FBXO21: variants seen among roughly 807,000 people sequenced by gnomAD.
FBXO21 encodes the protein F-box protein 21.
FBXO21 carries 32 observed loss-of-function variants against 76.6 expected under a neutral mutation model. That is an observed-to-expected ratio of 0.42 (90% CI 0.32 to 0.56). The LOEUF (loss-of-function observed/expected upper bound fraction) is 0.56. FBXO21 is among the 20% of genes least tolerant of loss of function. The pLI is 0.16. For missense variants in FBXO21, 586 were observed against 797.3 expected, an observed-to-expected ratio of 0.73 and a Z score of 3.19; for synonymous variants, 328 against 311.5, an observed-to-expected ratio of 1.05 and a Z score of -0.56.
Position 117,166,509 on chromosome 12 carries a change from A to G in FBXO21, c.1193+389T>C, listed in dbSNP as rs1027238984. On this transcript the variant is annotated intron_variant, in intron 8 of 11. Transcript: ENST00000622495. ...AGTTAGTCTAAAACTGCTCTAAAAA[A>G]TAGTCTATTAAAAAAAAGAATTCTG... Among the ~76,000 whole-genome samples the G allele has an allele frequency of 2.6e-5, 4 of 151,364 alleles. No individual in the cohort carries two copies. In the East Asian group the frequency reaches 5.9e-4, roughly 22 times the overall value.
At chr12:117,149,348 A>T (rs1955813742) in intron 11 of FBXO21, among the ~76,000 whole-genome samples, 1 of 152,198 alleles carries the variant, frequency 6.6e-6, no homozygotes, top group African/African-American at 2.4e-5. Flanking sequence ...GAGGGTAAAG[A>T]AGCTGGGAAT....
intron 1 of FBXO21, among the ~76,000 whole-genome samples, chr12:117,189,979 C>T (rs557256514): frequency 6.6e-6 from 1 of 152,226 alleles, no homozygotes; most frequent in East Asian, 1.9e-4. Context: ...CAGCGTCACC[C>T]TTGACGGAGG....
At chr12:117,156,025 G>A in intron 10 of FBXO21, 77 bp from the exon 11 acceptor site, 1 of 1,395,220 alleles carries the variant, frequency 7.2e-7, no homozygotes, top group Non-Finnish European at 1.0e-6. Flanking sequence ...TGGCTTCTCA[G>A]CTCACATCCT....
chr12:117,166,959 C>A lies in FBXO21; in HGVS notation c.1132G>T (p.Val378Leu). Residue 378 changes from valine (V) to leucine (L), a missense_variant, in exon 8 of 12, where the codon GTG becomes TTG. This residue lies in a region of FBXO21 where 246 missense variants were observed against 356.8 expected (regional missense o/e 0.69). Transcript: ENST00000622495. ...TGTAACACCTTCTTGACATTGACCA[C>A]CCCATACAGTGCTGCAGTCACGTGC... ...GQHVTAALYG[V>L]VNVKKVLQRM... The A allele has an allele frequency of 6.2e-7, 1 of 1,614,166 alleles. No individual in the cohort carries two copies. Among genetic ancestry groups the A allele is most frequent in the Non-Finnish European group, 8.5e-7 (1 of 1,180,014 alleles).
Position 117,158,080 on chromosome 12 carries a change from A to G in FBXO21, c.1327-17T>C, listed in dbSNP as rs1334032162. 6.2e-7 allele frequency: 1 copy of G among 1,613,748 alleles called. No individual in the cohort carries two copies. Among genetic ancestry groups the G allele is most frequent in the Non-Finnish European group, 8.5e-7 (1 of 1,179,822 alleles). ...GTCAAGCACCTTCAAAACAAGACAG[A>G]AAGACTAAAAGATAATATTTTCAGC... On this transcript the variant is annotated splice_polypyrimidine_tract_variant and intron_variant, in intron 9 of 11. Coordinates refer to ENST00000622495, the MANE Select transcript of FBXO21 (RefSeq NM_015002.3).
In FBXO21 at chr12:117,146,260, C is replaced by T. The variant is rs368903862; in HGVS notation, c.1693G>A (p.Val565Met). Residue 565 changes from valine (V) to methionine (M), a missense_variant, in exon 12 of 12, where the codon GTG becomes ATG. Around this residue, in one of 6 missense-constraint regions of FBXO21, gnomAD observed 164 missense variants for 236.7 expected, o/e 0.69. Transcript: ENST00000622495. Reference sequence around the variant, plus strand: ...GGGTGTGAGATTTCTTGAGGCTCCACGTTATATTCCAAGTTTTCTGTTGGT... The same window carrying T: ...GGGTGTGAGATTTCTTGAGGCTCCATGTTATATTCCAAGTTTTCTGTTGGT... Reference protein sequence around the residue: ...YAAQENLEYNVEPQEISHPDV... With the variant: ...YAAQENLEYNMEPQEISHPDV... 2.3e-5 allele frequency: 37 copies of T among 1,605,580 alleles called. No individual in the cohort carries two copies. The East Asian group carries it at 6.3e-4, about 27-fold the overall frequency.
chr12:117,172,350 C>T (rs1956126135), intron 7 of FBXO21, 121 bp downstream of exon 7: 1 of 1,066,568 alleles, frequency 9.4e-7, no homozygotes, highest in African/African-American at 1.6e-5. Flanking sequence ...GTTCCATCAC[C>T]ACCCTAGTCC....
In FBXO21 at chr12:117,181,599, G is replaced by GTCTATCTA. The variant is rs1555242788; in HGVS notation, c.471-3966_471-3959dup. Among the ~76,000 whole-genome samples the GTCTATCTA allele has an allele frequency of 7.9e-3, 1,145 of 145,638 alleles. 8 individuals are homozygous for GTCTATCTA. Among genetic ancestry groups the GTCTATCTA allele is most frequent in the Middle Eastern group, 0.014 (4 of 286 alleles). ...TCGATCGATCTATCTATCTGAGACAGTCTATCTATCTATCTATCTATCTAT... is the reference window on the plus strand; with the variant it reads ...TCGATCGATCTATCTATCTGAGACAGTCTATCTATCTATCTATCTATCTATCTATCTAT... On this transcript the variant is annotated intron_variant, in intron 3 of 11. Coordinates refer to ENST00000622495, the MANE Select transcript of FBXO21 (RefSeq NM_015002.3).
At chr12:117,163,956 C>CA (rs1366694161) in intron 9 of FBXO21, among the ~76,000 whole-genome samples, 2 of 151,022 alleles carry the variant, frequency 1.3e-5, no homozygotes, top group East Asian at 3.9e-4. Flanking sequence ...AAAAACAAAC[C>CA]AAAAAAACCC....
At chr12:117,166,829 C>G in intron 8 of FBXO21, 69 bp downstream of exon 8, 1 of 1,416,448 alleles carries the variant, frequency 7.1e-7, no homozygotes, top group Non-Finnish European at 9.9e-7. Context: ...CTTGGCACAT[C>G]TCAAACACAA....
At chr12:117,162,362 T>C (rs1297601529) in intron 9 of FBXO21, among the ~76,000 whole-genome samples, 1 of 152,218 alleles carries the variant, frequency 6.6e-6, no homozygotes, top group East Asian at 1.9e-4. Context: ...GGGCATCAGC[T>C]TGCCTGCACT....
chr12:117,166,922 C>T lies in FBXO21; in HGVS notation c.1169G>A (p.Gly390Glu). ...CCGCTTCCCCAGGCTTAACAGGTTT[C>T]CCACCATTCTCTGTAACACCTTCTT... is the stretch of plus-strand genomic sequence containing the variant. ...NVKKVLQRMV[G>E]NLLSLGKREG... Residue 390 changes from glycine (G) to glutamate (E), a missense_variant, in exon 8 of 12, where the codon GGA becomes GAA. Coordinates refer to ENST00000622495, the MANE Select transcript of FBXO21 (RefSeq NM_015002.3). 6.2e-7 allele frequency: 1 copy of T among 1,614,160 alleles called. No homozygotes were observed. Among genetic ancestry groups the T allele is most frequent in the Non-Finnish European group, 8.5e-7 (1 of 1,180,012 alleles).
At chr12:117,165,397 A>T in intron 9 of FBXO21, 88 bp downstream of exon 9, 1 of 1,315,178 alleles carries the variant, frequency 7.6e-7, no homozygotes, top group Non-Finnish European at 1.0e-6. Flanking sequence ...TCCCCATGTT[A>T]ACACAAAGAT....
chr12:117,168,086 T>G (rs1264586031), intron 7 of FBXO21, among the ~76,000 whole-genome samples: 9 of 152,214 alleles, frequency 5.9e-5, no homozygotes, highest in Admixed American at 5.9e-4. Context: ...TTCAGGTGGC[T>G]CTGTTTCAGG....
chr12:117,167,304 C>G (rs115317621), intron 7 of FBXO21, among the ~76,000 whole-genome samples: 2 of 152,176 alleles, frequency 1.3e-5, no homozygotes, highest in African/African-American at 4.8e-5. Flanking sequence ...TAATAGCGTT[C>G]TTTAGGAAGA....
In FBXO21 at chr12:117,144,701, C is replaced by T. The variant is rs764210144; in HGVS notation, c.*1386G>A. 1 of 152,162 alleles carries T rather than the reference C, an allele frequency of 6.6e-6. No individual in the cohort carries two copies. Among genetic ancestry groups the T allele is most frequent in the African/African-American group, 2.4e-5 (1 of 41,428 alleles). The allele number at this position is 152,162 out of a possible 1,614,324, so 9.4% of individuals were successfully genotyped here. ...CCTAACTTCGGAAGTTAGCTTCTAT[C>T]GATTAATGACAAGATTAGCTCGCTT... On this transcript the variant is annotated 3_prime_UTR_variant, in exon 12 of 12. Coordinates refer to ENST00000622495, the MANE Select transcript of FBXO21 (RefSeq NM_015002.3).
In FBXO21 at chr12:117,145,232, C is replaced by T. The variant is rs367935689; in HGVS notation, c.*855G>A. ...AAAGAACCCATCACTGATGTAAGAC[C>T]TACTCATGATACTGAAGTAGATTTT... is the stretch of plus-strand genomic sequence containing the variant. On this transcript the variant is annotated 3_prime_UTR_variant, in exon 12 of 12. Transcript: ENST00000622495. 1.6e-4 allele frequency: 25 copies of T among 151,920 alleles called. No homozygotes were observed. In the East Asian group the frequency reaches 2.1e-3, roughly 13 times the overall value. The allele number at this position is 151,920 out of a possible 1,614,324, so 9.4% of individuals were successfully genotyped here.
chr12:117,163,806 C>T (rs931718359), intron 9 of FBXO21, among the ~76,000 whole-genome samples: 2 of 151,760 alleles, frequency 1.3e-5, no homozygotes, highest in Non-Finnish European at 2.9e-5. Flanking sequence ...ATTAGTCAGG[C>T]GTGGTGGTGT....
intron 11 of FBXO21, among the ~76,000 whole-genome samples, chr12:117,150,425 C>T (rs1406032451): frequency 2.0e-5 from 3 of 152,230 alleles, no homozygotes; most frequent in African/African-American, 4.8e-5. Context: ...AAAGCACCAT[C>T]GGTGCCAGTG....
Sources: gnomAD v4.1 joint callset for allele counts (sites outside exome capture counted in the v4.1 genomes callset) on GRCh38, gnomAD v4.1.1 for gene constraint, gnomAD v4.1.1 regional missense constraint, MANE v1.5 for transcripts, NCBI Gene and HGNC (gene_info 2026-07-23, HGNC 2026-07-21) for gene names.